The following CSNK1G3 variants were observed in gnomAD, a reference collection of about 807,000 sequenced individuals.
The protein encoded by CSNK1G3 is casein kinase 1 gamma 3.
A neutral mutation model predicts 64.3 loss-of-function variants in CSNK1G3; 23 were observed. The ratio of observed to expected loss-of-function variants is 0.36; its 90% CI spans 0.26 to 0.51. The LOEUF (loss-of-function observed/expected upper bound fraction) is 0.51, where lower values mean the gene tolerates loss of function less well. Ranked by LOEUF, CSNK1G3 falls within the 20% of genes least tolerant of loss-of-function variation. CSNK1G3 has a pLI of 0.96. For synonymous variants in CSNK1G3, 158 were observed against 162.2 expected (o/e 0.97, Z 0.20); for missense variants, 357 against 510.5 (o/e 0.70, Z 2.90).
At chr5:123,613,647 C>T (rs1176651476) in intron 12 of CSNK1G3, among the ~76,000 whole-genome samples, 3 of 152,060 alleles carry the variant, frequency 2.0e-5, no homozygotes, top group Non-Finnish European at 2.9e-5. Flanking sequence ...GCTGGGATTA[C>T]AGGCATGAGC....
intron 3 of CSNK1G3, among the ~76,000 whole-genome samples, chr5:123,554,470 A>T (rs1031861946): frequency 6.6e-6 from 1 of 152,192 alleles, no homozygotes; most frequent in African/African-American, 2.4e-5. Context: ...GCCGATGTAC[A>T]TAGAAAGCCA....
chr5:123,559,704 T>G (rs1279465083), intron 4 of CSNK1G3, among the ~76,000 whole-genome samples: 4 of 41,038 alleles, frequency 9.7e-5, no homozygotes, highest in South Asian at 4.4e-4. Flanking sequence ...TTTTTGTGGT[T>G]TTTTTTTTTT....
intron 5 of CSNK1G3, among the ~76,000 whole-genome samples, chr5:123,574,863 C>T (rs894638030): frequency 3.3e-5 from 5 of 151,950 alleles, no homozygotes; most frequent in Admixed American, 2.0e-4. Flanking sequence ...AACCAACTGC[C>T]CCCAAACAAA....
chr5:123,580,595 T>A (rs1177344985), intron 6 of CSNK1G3, among the ~76,000 whole-genome samples: 1 of 151,914 alleles, frequency 6.6e-6, no homozygotes, highest in East Asian at 1.9e-4. Flanking sequence ...ATGAAAACTT[T>A]CTTTAGTGTT....
chr5:123,520,153 CA>C lies in CSNK1G3; in HGVS notation c.-248+7587del, dbSNP rs147644763. On this transcript the variant is annotated intron_variant, in intron 1 of 12. Transcript: ENST00000345990. ...AACCTAGCCTGCTTAAATGAAAATG[CA>C]AAAGCAGACTGTTTGGGACAATTCA... is the stretch of plus-strand genomic sequence containing the variant. Among the ~76,000 whole-genome samples, 15 of 152,200 alleles carry C rather than the reference CA, an allele frequency of 9.9e-5. No individual in the cohort carries two copies. In the East Asian group the frequency reaches 2.7e-3, roughly 27 times the overall value.
intron 5 of CSNK1G3, among the ~76,000 whole-genome samples, chr5:123,574,838 A>G (rs1190662249): frequency 6.6e-6 from 1 of 152,128 alleles, no homozygotes; most frequent in Non-Finnish European, 1.5e-5. Flanking sequence ...CCCACACACA[A>G]AACATCAAAA....
chr5:123,603,134 CAT>C (rs1404326126), intron 10 of CSNK1G3, among the ~76,000 whole-genome samples: 2 of 152,054 alleles, frequency 1.3e-5, no homozygotes, highest in Non-Finnish European at 2.9e-5. Flanking sequence ...GTCCTGAATA[CAT>C]TTTCTAGGAA....
At chr5:123,616,332 A>G (rs937719506) in exon 13 of CSNK1G3, 3 of 152,572 alleles carry the variant, frequency 2.0e-5, no homozygotes, top group Admixed American at 6.6e-5. Context: ...ATACATGCGA[A>G]TATCTGTATT....
chr5:123,589,809 A>T (rs113322272), intron 8 of CSNK1G3, among the ~76,000 whole-genome samples: 2 of 152,194 alleles, frequency 1.3e-5, no homozygotes, highest in African/African-American at 4.8e-5. Flanking sequence ...ATTGTTAAAT[A>T]TATGACCAGA....
intron 10 of CSNK1G3, among the ~76,000 whole-genome samples, chr5:123,593,672 TC>T (rs1266409008): frequency 6.6e-6 from 1 of 152,106 alleles, no homozygotes. Context: ...AAGCTACAAA[TC>T]TGCTTAATTC....
intron 10 of CSNK1G3, among the ~76,000 whole-genome samples, chr5:123,592,032 T>C (rs566329244): frequency 1.3e-5 from 2 of 152,204 alleles, no homozygotes; most frequent in African/African-American, 4.8e-5. Flanking sequence ...ACTGTTATTA[T>C]TATTACAATA....
At chr5:123,591,550 G>T in intron 10 of CSNK1G3, 136 bp downstream of exon 10, 2 of 533,482 alleles carry the variant, frequency 3.7e-6, no homozygotes, top group South Asian at 3.0e-5. Flanking sequence ...TAATTTCACT[G>T]TTTATTAGTT....
intron 8 of CSNK1G3, among the ~76,000 whole-genome samples, chr5:123,590,201 A>G (rs116431301): frequency 0.02 from 3,027 of 152,140 alleles, 104 homozygotes; most frequent in African/African-American, 0.07. Flanking sequence ...TTGTTAAACT[A>G]AACCTCCCAT....
chr5:123,586,596 C>T (rs928352761), intron 6 of CSNK1G3, among the ~76,000 whole-genome samples: 15 of 151,968 alleles, frequency 9.9e-5, no homozygotes, highest in African/African-American at 2.4e-4. Context: ...TTTTAGCATG[C>T]GAAATGGGAA....
chr5:123,599,221 A>G (rs1794000525), intron 10 of CSNK1G3, among the ~76,000 whole-genome samples: 1 of 152,154 alleles, frequency 6.6e-6, no homozygotes, highest in Non-Finnish European at 1.5e-5. Context: ...ACTATTTTAC[A>G]TGGTTGTACT....
chr5:123,538,128 C>G (rs1781130333), intron 1 of CSNK1G3, among the ~76,000 whole-genome samples: 1 of 152,140 alleles, frequency 6.6e-6, no homozygotes, highest in African/African-American at 2.4e-5. Context: ...ATAAGTGAGG[C>G]TGCTGTAAAC....
chr5:123,522,204 C>T (rs181750485), intron 1 of CSNK1G3, among the ~76,000 whole-genome samples: 1 of 152,032 alleles, frequency 6.6e-6, no homozygotes, highest in Non-Finnish European at 1.5e-5. Context: ...TTCCAGGACC[C>T]CTCATGGCTA....
intron 1 of CSNK1G3, among the ~76,000 whole-genome samples, chr5:123,522,870 G>A (rs1384919760): frequency 6.6e-6 from 1 of 152,060 alleles, no homozygotes; most frequent in African/African-American, 2.4e-5. Context: ...TAAGTATAAC[G>A]CCAAAGTTAG....
intron 4 of CSNK1G3, among the ~76,000 whole-genome samples, chr5:123,563,595 T>A (rs1786222656): frequency 6.6e-6 from 1 of 152,126 alleles, no homozygotes; most frequent in African/African-American, 2.4e-5. Flanking sequence ...ACGGAAATTT[T>A]ATTGTACTGT....
Sources: allele counts gnomAD v4.1 joint callset (sites outside exome capture counted in the v4.1 genomes callset), GRCh38; gene constraint gnomAD v4.1.1; transcripts MANE v1.5; gene names NCBI Gene and HGNC (gene_info 2026-07-23, HGNC 2026-07-21).